Variants in HENMT1 observed in about 807,000 individuals in gnomAD.
HENMT1 encodes small RNA 2'-O-methyltransferase.
In HENMT1, 27 loss-of-function variants were observed where a neutral mutation model predicts 31.1. The ratio of observed to expected loss-of-function variants is 0.87; its 90% confidence interval spans 0.64 to 1.20. The LOEUF (loss-of-function observed/expected upper bound fraction) is 1.20. HENMT1 is among the 50% of genes most tolerant of loss of function. The pLI, the probability that HENMT1 is intolerant of heterozygous loss-of-function variation, is 0.00. For missense variants in HENMT1, 438 were observed against 469.6 expected (o/e 0.93, Z 0.62); for synonymous variants, 167 against 172.2 (o/e 0.97, Z 0.24).
chr1:108,655,537 G>A, intron 4 of HENMT1, 49 bp downstream of exon 4: 1 of 1,059,804 alleles, frequency 9.4e-7, no homozygotes, highest in Non-Finnish European at 1.4e-6. Flanking sequence ...ACTCAATAAT[G>A]CCATTAGTTT....
At chr1:108,653,943 A>G (rs1359376564) in intron 5 of HENMT1, among the ~76,000 whole-genome samples, 1 of 152,078 alleles carries the variant, frequency 6.6e-6, no homozygotes, top group East Asian at 1.9e-4. Flanking sequence ...GTGCTTTTGT[A>G]GTCTTACTCA....
chr1:108,658,064 T>C (rs1476564690), intron 2 of HENMT1, among the ~76,000 whole-genome samples: 6 of 76,330 alleles, frequency 7.9e-5, no homozygotes, highest in South Asian at 6.2e-4. Flanking sequence ...CACACACATA[T>C]ATATGTACAC....
At chr1:108,654,964 G>A in intron 4 of HENMT1, 114 bp from the exon 5 acceptor site, 1 of 1,047,994 alleles carries the variant, frequency 9.5e-7, no homozygotes, top group East Asian at 2.6e-5. Flanking sequence ...ATATAAGTCT[G>A]ACACAGCCTG....
Position 108,648,616 on chromosome 1 carries a change from C to T in HENMT1, c.1132G>A (p.Ala378Thr), listed in dbSNP as rs757013268. ...DSIPLSSDGS[A>T]VVADLRNYFD... The stretch of plus-strand genomic sequence containing the variant: ...TAATTACGCAGGTCAGCCACCACTG[C>T]AGAACCATCACTGCTCAGAGGAATT... The change falls in exon 8 of 8, where the codon GCA becomes ACA. Residue 378 changes from alanine to threonine, a missense_variant. Physicochemically the swap from Ala to Thr is moderately conservative, Grantham distance 58. Transcript: ENST00000651461. 2.5e-6 allele frequency: 4 copies of T among 1,614,246 alleles called. No individual in the cohort carries two copies. The highest frequency in any genetic ancestry group is 2.2e-5 in the East Asian group (1 of 44,896).
intron 3 of HENMT1, among the ~76,000 whole-genome samples, chr1:108,656,732 G>A (rs538033070): frequency 2.6e-5 from 4 of 152,202 alleles, no homozygotes; most frequent in Middle Eastern, 3.4e-3. Flanking sequence ...CCAAAGTGCC[G>A]GAATTACAGG....
chr1:108,651,110 T>G lies in HENMT1; in HGVS notation c.498A>C (p.Glu166Asp). ...TCACTGATGGAAACAGGGGATTGAA[T>G]TCAGAGTTTGGTGTGCTGATGACAA... ...SMIVISTPNS[E>D]FNPLFPSVTL... The change falls in exon 6 of 8, where the codon GAA becomes GAC. Residue 166 changes from glutamate to aspartate, a missense_variant. Glu to Asp is a conservative substitution (Grantham distance 45). Transcript: ENST00000651461. 1 of 1,613,956 alleles carries G rather than the reference T, an allele frequency of 6.2e-7. No homozygotes were observed. The highest frequency in any genetic ancestry group is 1.7e-5 in the Admixed American group (1 of 60,018).
intron 1 of HENMT1, among the ~76,000 whole-genome samples, chr1:108,660,376 G>A (rs944902866): frequency 1.3e-5 from 2 of 151,960 alleles, no homozygotes; most frequent in Non-Finnish European, 2.9e-5. Flanking sequence ...AGATACAAAC[G>A]GAGCAATCTT....
At chr1:108,660,845 A>G (rs1168537324) in intron 1 of HENMT1, 118 bp downstream of exon 1, 1 of 283,646 alleles carries the variant, frequency 3.5e-6, no homozygotes. Context: ...AATGGCATGA[A>G]CCCGGGAGGC....
rs763234296 is a variant in HENMT1, at chr1:108,659,901, G to A, written c.-17C>T. On this transcript the variant is annotated 5_prime_UTR_variant, in exon 2 of 8. Transcript: ENST00000651461. ...TTCTTCCATTTTGTTTCGAAGTTTT[G>A]TTGAAACAAAAATGAAGATTTATCC... is the stretch of plus-strand genomic sequence containing the variant. 4 of 1,598,290 alleles carry A rather than the reference G, an allele frequency of 2.5e-6. No individual in the cohort carries two copies. The highest frequency in any genetic ancestry group is 3.4e-6 in the Non-Finnish European group (4 of 1,173,198).
intron 5 of HENMT1, among the ~76,000 whole-genome samples, chr1:108,652,000 G>C: frequency 6.6e-6 from 1 of 152,206 alleles, no homozygotes; most frequent in East Asian, 1.9e-4. Context: ...ATAATGAGGA[G>C]ACACTCAGAT....
chr1:108,652,778 A>C (rs1353214551), intron 5 of HENMT1, among the ~76,000 whole-genome samples: 1 of 151,964 alleles, frequency 6.6e-6, no homozygotes, highest in Non-Finnish European at 1.5e-5. Flanking sequence ...CCCCATCTCT[A>C]CTAAAAATAC....
intron 4 of HENMT1, among the ~76,000 whole-genome samples, 192 bp from the exon 5 acceptor site, chr1:108,655,042 G>A (rs1010394907): frequency 4.0e-5 from 6 of 151,884 alleles, no homozygotes; most frequent in African/African-American, 7.3e-5. Flanking sequence ...GGAAGTTACT[G>A]GCCAATGAAA....
Position 108,648,629 on chromosome 1 carries a change from G to A in HENMT1, c.1119C>T (p.Ser373=). ...CAGCCACCACTGCAGAACCATCACT[G>A]CTCAGAGGAATTGAGTCAGCAATGA... is the stretch of plus-strand genomic sequence containing the variant. The part of the protein sequence containing the change: ...RSVIADSIPL[S]SDGSAVVADL... The change falls in exon 8 of 8, where the codon AGC becomes AGT. Residue 373 remains serine (S), a synonymous_variant. Coordinates refer to ENST00000651461, the MANE Select transcript of HENMT1 (RefSeq NM_001102592.2). 1 of 1,614,180 alleles carries A rather than the reference G, an allele frequency of 6.2e-7. No individual in the cohort carries two copies. Among genetic ancestry groups the A allele is most frequent in the Non-Finnish European group, 8.5e-7 (1 of 1,180,008 alleles).
In HENMT1 at chr1:108,650,210, C is replaced by G; in HGVS notation, c.756+1G>C. On this transcript the variant is annotated splice_donor_variant, in intron 7 of 7. Coordinates refer to ENST00000651461, the MANE Select transcript of HENMT1 (RefSeq NM_001102592.2). LOFTEE classifies it high-confidence loss of function. ...ATAGCTATCTCACAAAGAATACTCA[C>G]AGCTTTATAAACATGCTGATCATGC... The G allele has an allele frequency of 6.2e-7, 1 of 1,613,434 alleles. No homozygotes were observed. Among genetic ancestry groups the G allele is most frequent in the Non-Finnish European group, 8.5e-7 (1 of 1,179,598 alleles).
At chr1:108,659,815 G>T in intron 2 of HENMT1, 49 bp downstream of exon 2, 1 of 1,144,488 alleles carries the variant, frequency 8.7e-7, no homozygotes, top group South Asian at 1.3e-5. Flanking sequence ...AATACATCCA[G>T]GTGATAATTC....
intron 5 of HENMT1, among the ~76,000 whole-genome samples, chr1:108,651,959 ATTC>A: frequency 6.6e-6 from 1 of 152,280 alleles, no homozygotes; most frequent in African/African-American, 2.4e-5. Context: ...CTTCTATGAT[ATTC>A]TTGTCAAAAA....
In HENMT1 at chr1:108,653,208, G is replaced by A. The variant is rs1187002156; in HGVS notation, c.398+1508C>T. On this transcript the variant is annotated intron_variant, in intron 5 of 7. Transcript: ENST00000651461. Reference sequence around the variant, plus strand: ...TTTTTGTATTTTTACTAGAGACGGGGTTTCACCATGTTGGCCAGGCTGCTC... The same window carrying A: ...TTTTTGTATTTTTACTAGAGACGGGATTTCACCATGTTGGCCAGGCTGCTC... Among the ~76,000 whole-genome samples the A allele has an allele frequency of 3.9e-5, 6 of 151,954 alleles. No homozygotes were observed. In the South Asian group the frequency reaches 1.2e-3, roughly 32 times the overall value.
chr1:108,653,733 T>C (rs1053994686), intron 5 of HENMT1, among the ~76,000 whole-genome samples: 2 of 152,258 alleles, frequency 1.3e-5, no homozygotes, highest in Non-Finnish European at 2.9e-5. Flanking sequence ...TTTTGAGAAA[T>C]ATCTGTTCAG....
chr1:108,650,444 T>TA (rs1031852984), intron 6 of HENMT1, 56 bp from the exon 7 acceptor site: 41 of 1,466,774 alleles, frequency 2.8e-5, no homozygotes, highest in Non-Finnish European at 3.6e-5. Context: ...TACTGTTAAA[T>TA]AAGGAACCAT....
Sources: allele counts gnomAD v4.1 joint callset (sites outside exome capture counted in the v4.1 genomes callset), GRCh38; gene constraint gnomAD v4.1.1; transcripts MANE v1.5; gene names NCBI Gene and HGNC (gene_info 2026-07-23, HGNC 2026-07-21).